Variants in SPEF2 observed in about 807,000 individuals in gnomAD.
SPEF2 encodes the protein sperm flagella and cilia-associated protein 2.
A neutral mutation model predicts 224.6 loss-of-function variants in SPEF2; 187 were observed. That is an observed-to-expected ratio of 0.83 (90% CI 0.74 to 0.94). SPEF2 has a LOEUF of 0.94. Ranked by LOEUF, SPEF2 falls within the 40% of genes least tolerant of loss-of-function variation. The probability of loss-of-function intolerance (pLI) is 0.00; values close to 1 mark genes in which losing one functional copy is unlikely to be tolerated. For synonymous variants in SPEF2, 715 were observed against 707.3 expected, an observed-to-expected ratio of 1.01 and a Z score of -0.17; for missense variants, 2,170 against 2,135.6, an observed-to-expected ratio of 1.02 and a Z score of -0.32.
At chr5:35,768,770 A>G (rs1332013017) in intron 26 of SPEF2, among the ~76,000 whole-genome samples, 2 of 152,108 alleles carry the variant, frequency 1.3e-5, no homozygotes, top group Non-Finnish European at 2.9e-5. Flanking sequence ...ACACAATCTT[A>G]AGGCAACTTT....
chr5:35,811,227 C>T (rs999800922), intron 36 of SPEF2, among the ~76,000 whole-genome samples: 2 of 151,982 alleles, frequency 1.3e-5, no homozygotes, highest in African/African-American at 4.8e-5. Flanking sequence ...GTAAATAGAT[C>T]ACATTTTTAT....
intron 21 of SPEF2, among the ~76,000 whole-genome samples, chr5:35,736,773 T>C (rs776050549): frequency 7.9e-5 from 12 of 152,218 alleles, no homozygotes; most frequent in Non-Finnish European, 1.5e-4. Context: ...AGAATTGTTT[T>C]GGTGGAGAAG....
At chr5:35,734,517 G>A (rs1254302357) in intron 21 of SPEF2, among the ~76,000 whole-genome samples, 1 of 151,904 alleles carries the variant, frequency 6.6e-6, no homozygotes, top group Non-Finnish European at 1.5e-5. Flanking sequence ...TTTATATTGG[G>A]CCACATTCAA....
At chr5:35,671,217 T>C (rs930527127) in intron 10 of SPEF2, 1 of 984,534 alleles carries the variant, frequency 1.0e-6, no homozygotes, top group Non-Finnish European at 1.2e-6. Flanking sequence ...AAAGGGTGAA[T>C]AAAATGAATG....
chr5:35,630,649 T>C (rs1046353823), intron 2 of SPEF2, among the ~76,000 whole-genome samples: 6 of 152,090 alleles, frequency 3.9e-5, no homozygotes, highest in Non-Finnish European at 8.8e-5. Context: ...TGAGCCGAGA[T>C]TGGGCCACTG....
chr5:35,759,815 C>A, intron 25 of SPEF2, 96 bp downstream of exon 25: 2 of 1,215,122 alleles, frequency 1.6e-6, no homozygotes, highest in Non-Finnish European at 2.2e-6. Context: ...ACTCCTTTAT[C>A]TGCAAATCTA....
intron 5 of SPEF2, among the ~76,000 whole-genome samples, chr5:35,648,670 CTAAAGTTAAACT>C (rs1294221879): frequency 6.6e-6 from 1 of 152,030 alleles, no homozygotes; most frequent in Admixed American, 6.6e-5. Flanking sequence ...CAAAGATGAC[CTAAAGTTAAACT>C]TCAGATAACT....
chr5:35,624,978 A>G (rs1266168325), intron 1 of SPEF2, among the ~76,000 whole-genome samples: 1 of 152,148 alleles, frequency 6.6e-6, no homozygotes, highest in Non-Finnish European at 1.5e-5. Flanking sequence ...GTCCTAGTGT[A>G]TACACTTTTT....
At chr5:35,671,464 C>T in intron 10 of SPEF2, 1 of 978,788 alleles carries the variant, frequency 1.0e-6, no homozygotes, top group Non-Finnish European at 1.2e-6. Flanking sequence ...ATATACTAGA[C>T]CTATTACATC....
intron 21 of SPEF2, among the ~76,000 whole-genome samples, chr5:35,736,476 TG>T (rs1208949762): frequency 1.3e-5 from 2 of 151,212 alleles, no homozygotes; most frequent in Non-Finnish European, 2.9e-5. Context: ...AGAGTGTGTG[TG>T]TGTGTGTGTG....
intron 30 of SPEF2, among the ~76,000 whole-genome samples, chr5:35,792,013 A>G (rs1230923612): frequency 6.6e-6 from 1 of 152,138 alleles, no homozygotes; most frequent in Non-Finnish European, 1.5e-5. Context: ...AATCATATAT[A>G]TTTTTTAAAA....
At chr5:35,811,630 T>G (rs565393092) in intron 36 of SPEF2, among the ~76,000 whole-genome samples, 4 of 150,248 alleles carry the variant, frequency 2.7e-5, no homozygotes, top group East Asian at 4.0e-4. Context: ...GGGGGTGGGG[T>G]TTGTACAAAT....
In SPEF2 at chr5:35,745,229, G is replaced by A. The variant is rs574641194; in HGVS notation, c.3330+4962G>A. Among the ~76,000 whole-genome samples the A allele has an allele frequency of 6.6e-5, 10 of 152,278 alleles. No individual in the cohort carries two copies. In the East Asian group the frequency reaches 1.7e-3, roughly 27 times the overall value. On this transcript the variant is annotated intron_variant, in intron 23 of 36. Transcript: ENST00000356031. Reference sequence around the variant, plus strand: ...GGCATCACAGGGTTCCATTGGGAGGGTGGCCAGAGGAGCAGGGGGTAAAAC... The same window carrying A: ...GGCATCACAGGGTTCCATTGGGAGGATGGCCAGAGGAGCAGGGGGTAAAAC...
intron 36 of SPEF2, among the ~76,000 whole-genome samples, chr5:35,810,464 C>A (rs1758466839): frequency 6.6e-6 from 1 of 152,194 alleles, no homozygotes; most frequent in Non-Finnish European, 1.5e-5. Flanking sequence ...CCACCCGCCT[C>A]AGCCTCCCAA....
rs1751076795 is a variant in SPEF2 at position 35,670,389 on chromosome 5, G to T, written c.1524+162G>T. The T allele has an allele frequency of 1.7e-5, 23 of 1,366,428 alleles. 1 individual carries two copies. The South Asian group carries it at 4.3e-4, about 25-fold the overall frequency. 84.6% of individuals were successfully genotyped at this position (1,366,428 alleles called of 1,614,324 possible). On this transcript the variant is annotated intron_variant, in intron 10 of 36. Transcript: ENST00000356031. ...TGTATGTTTGTACTACTTTTTAGAT[G>T]CTTAAACTATACATAAGCTATTATC...
chr5:35,763,339 C>G (rs1438183259), intron 25 of SPEF2, among the ~76,000 whole-genome samples, 183 bp from the exon 26 acceptor site: 1 of 152,044 alleles, frequency 6.6e-6, no homozygotes, highest in East Asian at 1.9e-4. Context: ...ACAAGATGTT[C>G]TAGACCACAA....
chr5:35,739,890 A>G (rs1040873102), intron 21 of SPEF2, 29 bp from the exon 22 acceptor site: 9 of 1,607,006 alleles, frequency 5.6e-6, no homozygotes, highest in African/African-American at 1.3e-5. Context: ...ATTTTGAAGT[A>G]ACAGTTTCTA....
At chr5:35,749,401 G>C (rs528517973) in intron 23 of SPEF2, among the ~76,000 whole-genome samples, 54 of 152,160 alleles carry the variant, frequency 3.5e-4, no homozygotes, top group South Asian at 8.3e-4. Context: ...TCAGTAAAGA[G>C]GAAGTCAAAC....
chr5:35,810,978 T>C (rs1335209376), intron 36 of SPEF2, among the ~76,000 whole-genome samples: 1 of 152,168 alleles, frequency 6.6e-6, no homozygotes, highest in African/African-American at 2.4e-5. Context: ...GGGACTCATT[T>C]GTATGATGGT....
Sources: gnomAD v4.1 joint callset for allele counts (sites outside exome capture counted in the v4.1 genomes callset) on GRCh38, gnomAD v4.1.1 for gene constraint, MANE v1.5 for transcripts, NCBI Gene and HGNC (gene_info 2026-07-23, HGNC 2026-07-21) for gene names.